The following FBXW9 variants were observed in gnomAD, a reference collection of about 807,000 sequenced individuals.
The protein encoded by FBXW9 is F-box and WD repeat domain containing 9, also known as F-box/WD repeat-containing protein 9.
FBXW9 carries 38 observed loss-of-function variants against 55.8 expected under a neutral mutation model. That is an observed-to-expected ratio of 0.68 (90% CI 0.53 to 0.89). FBXW9 has a LOEUF of 0.89. FBXW9 is among the 40% of genes least tolerant of loss of function. The pLI, the probability that FBXW9 is intolerant of heterozygous loss-of-function variation, is 0.00. For synonymous variants in FBXW9, 289 were observed against 278.2 expected, an observed-to-expected ratio of 1.04 and a Z score of -0.38; for missense variants, 590 against 619.4, an observed-to-expected ratio of 0.95 and a Z score of 0.50.
Position 12,694,616 on chromosome 19 carries a change from G to C in FBXW9, c.656C>G (p.Thr219Ser), listed in dbSNP as rs1258714822. 1 of 1,614,066 alleles carries C rather than the reference G, an allele frequency of 6.2e-7. No homozygotes were observed. The highest frequency in any genetic ancestry group is 8.5e-7 in the Non-Finnish European group (1 of 1,180,050). The change falls in exon 3 of 10, where the codon ACT (threonine) becomes AGT (serine). Residue 219 changes from threonine (T) to serine (S), a missense_variant. Coordinates refer to ENST00000393261, the MANE Select transcript of FBXW9 (RefSeq NM_032301.3). ...CACCTCATGGGTACTATTTCGCTTA[G>C]TGCCTAAGGTCTTGATCAGAACCTG... ...SNQVLIKTLG[T>S]KRNSTHEGWV...
chr19:12,689,441 G>A lies in FBXW9; in HGVS notation c.1237-4C>T. ...GTGGGTCTGTGGGCACGTGCACCTA[G>A]TGAGGGGCAATGGGCGAGGTCAAGA... is the stretch of plus-strand genomic sequence containing the variant. On this transcript the variant is annotated splice_region_variant and splice_polypyrimidine_tract_variant and intron_variant, in intron 8 of 9. Transcript: ENST00000393261. The surrounding 1 kb of genome is among the most constrained non-coding windows in gnomAD (Gnocchi z 5.9). 1 of 1,614,182 alleles carries A rather than the reference G, an allele frequency of 6.2e-7. No homozygotes were observed. The highest frequency in any genetic ancestry group is 1.3e-5 in the African/African-American group (1 of 75,060).
intron 3 of FBXW9, among the ~76,000 whole-genome samples, chr19:12,693,217 G>A (rs565851560): frequency 1.3e-4 from 19 of 151,958 alleles, no homozygotes; most frequent in Admixed American, 3.3e-4. Flanking sequence ...CCACCTTAGC[G>A]ACTGGTGGAG....
chr19:12,694,867 G>T lies in FBXW9; in HGVS notation c.481C>A (p.Arg161Ser). The change falls in exon 2 of 10, where the codon CGC becomes AGC. Residue 161 changes from arginine (R) to serine (S), a missense_variant. Coordinates refer to ENST00000393261, the MANE Select transcript of FBXW9 (RefSeq NM_032301.3). ...QHLSRWAEDGRWVEYFCLAEG... is the reference protein window; with the variant it reads ...QHLSRWAEDGSWVEYFCLAEG... The stretch of plus-strand genomic sequence containing the variant: ...GCCAGGCAGAAGTATTCGACCCAGC[G>T]CCCATCCTCTGCCCAGCGGGACAGG... 1 of 1,614,078 alleles carries T rather than the reference G, an allele frequency of 6.2e-7. No individual in the cohort carries two copies. Among genetic ancestry groups the T allele is most frequent in the Non-Finnish European group, 8.5e-7 (1 of 1,180,024 alleles).
rs1050786415 is a variant in FBXW9, at chr19:12,696,398, C to T, written c.184G>A (p.Ala62Thr). The T allele has an allele frequency of 1.9e-6, 3 of 1,611,798 alleles. No homozygotes were observed. The highest frequency in any genetic ancestry group is 2.5e-6 in the Non-Finnish European group (3 of 1,179,516). Residue 62 changes from alanine (A) to threonine (T), a missense_variant, in exon 1 of 10, where the codon GCT becomes ACT. Transcript: ENST00000393261. Reference protein sequence around the residue: ...QLSTPAASPSASEPRAASRVS... With the variant: ...QLSTPAASPSTSEPRAASRVS... ...CTGGACGCGGCCCGAGGCTCCGAAG[C>T]GCTCGGGGACGCGGCGGGTGTGGAT...
chr19:12,690,962 C>T (rs932382831), intron 5 of FBXW9, among the ~76,000 whole-genome samples: 3 of 152,182 alleles, frequency 2.0e-5, no homozygotes, highest in Non-Finnish European at 4.4e-5. Context: ...GTGGGACAGC[C>T]AGAACTCTAA....
At position 12,694,869 on chromosome 19, in the gene FBXW9, C is replaced by T. The variant is rs1278748103; in HGVS notation, c.479G>A (p.Gly160Glu). The T allele has an allele frequency of 6.2e-7, 1 of 1,614,022 alleles. No homozygotes were observed. Among genetic ancestry groups the T allele is most frequent in the Non-Finnish European group, 8.5e-7 (1 of 1,180,046 alleles). Residue 160 changes from glycine (G) to glutamate (E), a missense_variant, in exon 2 of 10, where the codon GGG becomes GAG. Physicochemically the swap from Gly to Glu is moderately conservative, Grantham distance 98. Transcript: ENST00000393261. ...EQHLSRWAED[G>E]RWVEYFCLAE... ...CAGGCAGAAGTATTCGACCCAGCGC[C>T]CATCCTCTGCCCAGCGGGACAGGTG...
At chr19:12,691,589 T>C in intron 3 of FBXW9, 135 bp from the exon 4 acceptor site, 1 of 684,766 alleles carries the variant, frequency 1.5e-6, no homozygotes, top group Non-Finnish European at 2.5e-6. Context: ...TCCTCCCCAG[T>C]GCCCATGGTG....
At chr19:12,691,508 A>T in intron 3 of FBXW9, 54 bp from the exon 4 acceptor site, 1 of 1,435,298 alleles carries the variant, frequency 7.0e-7, no homozygotes, top group Non-Finnish European at 9.5e-7. Context: ...GGGGTCCCAG[A>T]CTGGGATCGT....
chr19:12,689,998 C>A lies in FBXW9; in HGVS notation c.996G>T (p.Val332=), dbSNP rs1289475604. The A allele has an allele frequency of 1.9e-6, 3 of 1,613,706 alleles. No homozygotes were observed. The African/African-American group carries it at 4.0e-5, about 22-fold the overall frequency. The change falls in exon 6 of 10, where the codon GTG becomes GTT. Residue 332 remains valine (V), a synonymous_variant. Coordinates refer to ENST00000393261, the MANE Select transcript of FBXW9 (RefSeq NM_032301.3). This position sits in a 1 kb window ranked among gnomAD's most constrained non-coding sequence, Gnocchi z 5.9. ...SGSEDHTLVV[V]DRRANSVLQR... Reference sequence around the variant, plus strand: ...GCAGGACGCTGTTGGCTCGGCGGTCCACCACCACCAGGGTGTGGTCCTCGC... The same window carrying A: ...GCAGGACGCTGTTGGCTCGGCGGTCAACCACCACCAGGGTGTGGTCCTCGC...
At position 12,691,199 on chromosome 19, in the gene FBXW9, A is replaced by AG; in HGVS notation, c.849dup (p.Tyr284LeufsTer2). On this transcript the variant is annotated frameshift_variant, in exon 5 of 10. Coordinates refer to ENST00000393261, the MANE Select transcript of FBXW9 (RefSeq NM_032301.3). LOFTEE classifies it high-confidence loss of function. Reference sequence around the variant, plus strand: ...TCGTAGATGGTCACCTTCTTGTCATAGGTGCCAGTCACCAGGATGTCAGGC... The same window carrying AG: ...TCGTAGATGGTCACCTTCTTGTCATAGGGTGCCAGTCACCAGGATGTCAGGC... 2 of 1,614,196 alleles carry AG rather than the reference A, an allele frequency of 1.2e-6. No homozygotes were observed. Among genetic ancestry groups the AG allele is most frequent in the Non-Finnish European group, 1.7e-6 (2 of 1,180,022 alleles).
At chr19:12,690,565 C>T (rs540419116) in intron 5 of FBXW9, among the ~76,000 whole-genome samples, 1 of 152,202 alleles carries the variant, frequency 6.6e-6, no homozygotes, top group East Asian at 1.9e-4. Context: ...GCAGATCATC[C>T]GAGCCCAGGA....
rs149513211 is a variant in FBXW9 at position 12,695,282 on chromosome 19, C to T, written c.410-344G>A. Reference sequence around the variant, plus strand: ...TCAGGCTCAGCATAGAAGCTGGGACCTCATGACTAACCCTTCCTGCCTCAG... The same window carrying T: ...TCAGGCTCAGCATAGAAGCTGGGACTTCATGACTAACCCTTCCTGCCTCAG... On this transcript the variant is annotated intron_variant, in intron 1 of 9. Coordinates refer to ENST00000393261, the MANE Select transcript of FBXW9 (RefSeq NM_032301.3). 7.5e-4 allele frequency among the ~76,000 whole-genome samples: 114 copies of T among 152,280 alleles called. 1 individual carries two copies. Among genetic ancestry groups the T allele is most frequent in the African/African-American group, 2.6e-3 (108 of 41,554 alleles).
Position 12,689,318 on chromosome 19 carries a change from C to T in FBXW9, c.1303-28G>A. ...GGGAAGGGGGAGGAACATGAGGAGT[C>T]AGGGACGATGGCGCTCTGGCCAGCT... On this transcript the variant is annotated intron_variant, in intron 9 of 9. Coordinates refer to ENST00000393261, the MANE Select transcript of FBXW9 (RefSeq NM_032301.3). This position sits in a 1 kb window ranked among gnomAD's most constrained non-coding sequence, Gnocchi z 5.9. The T allele has an allele frequency of 1.2e-6, 2 of 1,614,188 alleles. No individual in the cohort carries two copies. The highest frequency in any genetic ancestry group is 1.7e-6 in the Non-Finnish European group (2 of 1,180,014).
At chr19:12,695,051 G>A in intron 1 of FBXW9, 113 bp from the exon 2 acceptor site, 2 of 1,249,120 alleles carry the variant, frequency 1.6e-6, no homozygotes, top group East Asian at 4.9e-5. Context: ...GACTTGGACA[G>A]AACCCCATGG....
In FBXW9 at chr19:12,690,055, C is replaced by G. The variant is rs2024984956; in HGVS notation, c.939G>C (p.Leu313=). The change falls in exon 6 of 10, where the codon CTG becomes CTC. Residue 313 remains leucine, a synonymous_variant. Coordinates refer to ENST00000393261, the MANE Select transcript of FBXW9 (RefSeq NM_032301.3). ...QQLHSRPVLT[L]LADDRHIISG... The stretch of plus-strand genomic sequence containing the variant: ...AGATGATGTGCCGGTCATCCGCCAG[C>G]AGGGTCAGCACGGGTCTGGAGTGTA... 1.3e-5 allele frequency: 21 copies of G among 1,613,960 alleles called. No individual in the cohort carries two copies. The highest frequency in any genetic ancestry group is 1.6e-5 in the Non-Finnish European group (19 of 1,180,042).
chr19:12,691,171 G>C lies in FBXW9; in HGVS notation c.878C>G (p.Pro293Arg). 1 of 1,614,044 alleles carries C rather than the reference G, an allele frequency of 6.2e-7. No individual in the cohort carries two copies. The highest frequency in any genetic ancestry group is 8.5e-7 in the Non-Finnish European group (1 of 1,179,972). ...CCCCAGGACCCTTGGCCCACCTCTG[G>C]GGTCGTAGATGGTCACCTTCTTGTC... ...TYDKKVTIYD[P>R]RAGPALLKHQ... Residue 293 changes from proline to arginine, a missense_variant, in exon 5 of 10, where the codon CCC (proline) becomes CGC (arginine). Pro to Arg is a moderately radical substitution (Grantham distance 103). Coordinates refer to ENST00000393261, the MANE Select transcript of FBXW9 (RefSeq NM_032301.3).
rs1167853508 is a variant in FBXW9, at chr19:12,691,447, A to C, written c.686T>G (p.Val229Gly). Residue 229 changes from valine to glycine, a missense_variant, in exon 4 of 10, where the codon GTG becomes GGG. Val to Gly is a moderately radical substitution (Grantham distance 109). Coordinates refer to ENST00000393261, the MANE Select transcript of FBXW9 (RefSeq NM_032301.3). The part of the protein sequence containing the change: ...TKRNSTHEGW[V>G]WSLAAQDHRV... ...GTGGTCCTGCGCTGCCAGTGACCAC[A>C]CCCAGCCCTGCAGGACAGGAGCAGC... 6.4e-7 allele frequency: 1 copy of C among 1,572,484 alleles called. No homozygotes were observed. Among genetic ancestry groups the C allele is most frequent in the South Asian group, 1.2e-5 (1 of 86,922 alleles).
chr19:12,696,158 C>T lies in FBXW9; in HGVS notation c.409+15G>A. ...CGCCCCCGGCCCCCGGTCCCCGGCC[C>T]CCGGCCCCGCGCACCTTCCACCACT... On this transcript the variant is annotated intron_variant, in intron 1 of 9. Coordinates refer to ENST00000393261, the MANE Select transcript of FBXW9 (RefSeq NM_032301.3). The T allele has an allele frequency of 2.0e-6, 3 of 1,510,698 alleles. No homozygotes were observed. The highest frequency in any genetic ancestry group is 1.2e-5 in the South Asian group (1 of 80,242). 93.6% of individuals were successfully genotyped at this position (1,510,698 alleles called of 1,614,324 possible). A position where few individuals can be genotyped will look rare whatever the true frequency, so the allele number is the denominator to read the frequency against.
chr19:12,691,497 G>C, intron 3 of FBXW9, 43 bp from the exon 4 acceptor site: 1 of 1,483,620 alleles, frequency 6.7e-7, no homozygotes, highest in Non-Finnish European at 9.1e-7. Flanking sequence ...CACAGCCCAT[G>C]GGGGTCCCAG....
Sources: gnomAD v4.1 joint callset for allele counts (sites outside exome capture counted in the v4.1 genomes callset) on GRCh38, gnomAD v4.1.1 for gene constraint, Gnocchi (gnomAD v3.1) non-coding constraint, MANE v1.5 for transcripts, NCBI Gene and HGNC (gene_info 2026-07-23, HGNC 2026-07-21) for gene names.